The following NUP153 variants were observed in gnomAD, a reference collection of about 807,000 sequenced individuals.
NUP153 encodes nuclear pore complex protein Nup153.
NUP153 carries 27 observed loss-of-function variants against 134.6 expected under a neutral mutation model. That is an observed-to-expected ratio of 0.20 (90% CI 0.15 to 0.28). The LOEUF (loss-of-function observed/expected upper bound fraction) is 0.28, where lower values mean the gene tolerates loss of function less well. NUP153 is among the 10% of genes least tolerant of loss of function. The probability of loss-of-function intolerance (pLI) is 1.00; values close to 1 mark genes in which losing one functional copy is unlikely to be tolerated. For synonymous variants in NUP153, 640 were observed against 623.5 expected (o/e 1.03, Z -0.40); for missense variants, 1,821 against 1,731.3 (o/e 1.05, Z -0.92).
At chr6:17,651,266 G>C (rs1370938315) in intron 11 of NUP153, among the ~76,000 whole-genome samples, 7 of 152,082 alleles carry the variant, frequency 4.6e-5, no homozygotes, top group Admixed American at 4.6e-4. Flanking sequence ...CTGTGCCACT[G>C]CACTCCATCC....
chr6:17,632,214 T>C (rs186670809), intron 17 of NUP153, among the ~76,000 whole-genome samples: 58 of 152,000 alleles, frequency 3.8e-4, no homozygotes, highest in Non-Finnish European at 6.8e-4. Flanking sequence ...AGGCAGGGAA[T>C]TGCTTGAACC....
chr6:17,616,285 G>GA lies in NUP153; in HGVS notation c.4344-105_4344-104insT, dbSNP rs1554134979. On this transcript the variant is annotated intron_variant, in intron 21 of 21. Transcript: ENST00000262077. ...CACAAGGGTAAGGGGGGTCGGGTGGGGGGGGAGTAGACTCACATTGGTATA... is the reference window on the plus strand; with the variant it reads ...CACAAGGGTAAGGGGGGTCGGGTGGGAGGGGGAGTAGACTCACATTGGTATA... 6 of 542,546 alleles carry GA rather than the reference G, an allele frequency of 1.1e-5. No homozygotes were observed. The Admixed American group carries it at 1.5e-4, about 14-fold the overall frequency. 33.6% of individuals were successfully genotyped at this position (542,546 alleles called of 1,614,324 possible).
chr6:17,690,107 C>G (rs377011678), intron 1 of NUP153, among the ~76,000 whole-genome samples: 1 of 148,990 alleles, frequency 6.7e-6, no homozygotes, highest in Admixed American at 6.7e-5. Context: ...AATCTCAGCA[C>G]TTTGGGAGGC....
At chr6:17,633,007 T>C (rs1215990713) in intron 16 of NUP153, among the ~76,000 whole-genome samples, 163 bp from the exon 17 acceptor site, 2 of 152,158 alleles carry the variant, frequency 1.3e-5, no homozygotes, top group African/African-American at 4.8e-5. Context: ...CTGTTCATAT[T>C]TACATTGTTT....
intron 5 of NUP153, among the ~76,000 whole-genome samples, chr6:17,673,185 G>T (rs1174808077): frequency 2.0e-5 from 3 of 152,102 alleles, no homozygotes; most frequent in Non-Finnish European, 4.4e-5. Context: ...TGGCTAAGAT[G>T]GTGAGAAACT....
At chr6:17,655,415 T>C (rs192465003) in intron 11 of NUP153, among the ~76,000 whole-genome samples, 155 of 151,782 alleles carry the variant, frequency 1.0e-3, no homozygotes, top group African/African-American at 3.5e-3. Context: ...CAAAGGCCCA[T>C]GAAAATGCCG....
Position 17,615,458 on chromosome 6 carries a change from G to A in NUP153, c.*639C>T, listed in dbSNP as rs1764265364. On this transcript the variant is annotated 3_prime_UTR_variant, in exon 22 of 22. Transcript: ENST00000262077. The surrounding 1 kb of genome is among the most constrained non-coding windows in gnomAD (Gnocchi z 5.7). ...TACACAAGTTTCATAATAAAATAAT[G>A]AAAAAGGCAAGACAGGTGATAGGAG... The A allele has an allele frequency of 6.6e-6, 1 of 152,476 alleles. No homozygotes were observed. The highest frequency in any genetic ancestry group is 2.1e-4 in the South Asian group (1 of 4,818). 9.4% of individuals were successfully genotyped at this position (152,476 alleles called of 1,614,324 possible). A position where few individuals can be genotyped will look rare whatever the true frequency, so the allele number is the denominator to read the frequency against.
chr6:17,637,441 A>C lies in NUP153; in HGVS notation c.2176T>G (p.Trp726Gly). 6.2e-7 allele frequency: 1 copy of C among 1,614,250 alleles called. No homozygotes were observed. The highest frequency in any genetic ancestry group is 8.5e-7 in the Non-Finnish European group (1 of 1,180,048). Residue 726 changes from tryptophan (W) to glycine (G), a missense_variant, in exon 16 of 22, where the codon TGG (tryptophan) becomes GGG (glycine). Physicochemically the swap from Trp to Gly is radical, Grantham distance 184 (BLOSUM62 -2). Transcript: ENST00000262077. ...TGCACTAAACAGGTATCACAATCCC[A>C]AGTGCCTATCACTGGTTTAAATTTG... ...GDKFKPVIGTWDCDTCLVQNK... is the reference protein window; with the variant it reads ...GDKFKPVIGTGDCDTCLVQNK...
intron 14 of NUP153, among the ~76,000 whole-genome samples, chr6:17,641,216 G>A (rs917616383): frequency 2.0e-5 from 3 of 152,066 alleles, no homozygotes; most frequent in African/African-American, 7.2e-5. Context: ...ATGGGGAGAG[G>A]AGGGATGGAA....
chr6:17,693,867 C>T (rs1769448666), intron 1 of NUP153, among the ~76,000 whole-genome samples: 1 of 152,184 alleles, frequency 6.6e-6, no homozygotes. Flanking sequence ...GCCTGTAATC[C>T]CAGCACTCCC....
chr6:17,637,433 A>G lies in NUP153; in HGVS notation c.2184T>C (p.Cys728=), dbSNP rs1213337457. 1 of 1,614,254 alleles carries G rather than the reference A, an allele frequency of 6.2e-7. No individual in the cohort carries two copies. Residue 728 remains cysteine, a synonymous_variant, in exon 16 of 22, where the codon TGT becomes TGC. Coordinates refer to ENST00000262077, the MANE Select transcript of NUP153 (RefSeq NM_005124.4). ...GTTTATTTTGCACTAAACAGGTATC[A>G]CAATCCCAAGTGCCTATCACTGGTT... ...KFKPVIGTWD[C]DTCLVQNKPE... is the part of the protein sequence containing the mutation.
rs201853569 is a variant in NUP153, at chr6:17,616,567, C to T, written c.4303G>A (p.Gly1435Ser). Residue 1435 changes from glycine to serine, a missense_variant, in exon 21 of 22, where the codon GGC (glycine) becomes AGC (serine). Gly to Ser is a moderately conservative substitution (Grantham distance 56, BLOSUM62 0). Coordinates refer to ENST00000262077, the MANE Select transcript of NUP153 (RefSeq NM_005124.4). ...GCTGGAGACTGGTTAAATGGAAAGC[C>T]CCCCGAGCCTGAAGGCTGGGCTGAG... ...AASAQPSGSG[G>S]FPFNQSPAAF... The T allele has an allele frequency of 5.0e-6, 8 of 1,613,848 alleles. No homozygotes were observed. The highest frequency in any genetic ancestry group is 6.8e-6 in the Non-Finnish European group (8 of 1,179,940).
In NUP153 at chr6:17,637,426, A is replaced by G. The variant is rs1363742875; in HGVS notation, c.2191T>C (p.Cys731Arg). ...PVIGTWDCDT[C>R]LVQNKPEAIK... ...GCTTCAGGTTTATTTTGCACTAAAC[A>G]GGTATCACAATCCCAAGTGCCTATC... The change falls in exon 16 of 22, where the codon TGT becomes CGT. Residue 731 changes from cysteine (C) to arginine (R), a missense_variant. Cys to Arg is a radical substitution (Grantham distance 180, BLOSUM62 -3). Coordinates refer to ENST00000262077, the MANE Select transcript of NUP153 (RefSeq NM_005124.4). 6.2e-7 allele frequency: 1 copy of G among 1,614,138 alleles called. No individual in the cohort carries two copies. The highest frequency in any genetic ancestry group is 1.3e-5 in the African/African-American group (1 of 74,942).
intron 18 of NUP153, among the ~76,000 whole-genome samples, chr6:17,626,770 T>G (rs547994895): frequency 1.1e-4 from 16 of 152,332 alleles, no homozygotes; most frequent in African/African-American, 3.4e-4. Flanking sequence ...TTCCCAAAAT[T>G]TCTTGTGTGG....
Position 17,706,301 on chromosome 6 carries a change from G to T in NUP153, c.87C>A (p.Tyr29Ter). The T allele has an allele frequency of 6.2e-7, 1 of 1,613,604 alleles. No homozygotes were observed. Among genetic ancestry groups the T allele is most frequent in the Non-Finnish European group, 8.5e-7 (1 of 1,179,658 alleles). ...CCTGATGCTGTTGTCGCCCCTGCTG[G>T]TAAGGCTTAATTGGCCCCTGGTGGC... ...RRCHQGPIKP[Y>*]QQGRQQHQGI... Residue 29 changes from tyrosine to a stop codon, truncating the protein, a stop_gained, in exon 1 of 22, where the codon TAC becomes TAA. Coordinates refer to ENST00000262077, the MANE Select transcript of NUP153 (RefSeq NM_005124.4). LOFTEE classifies it high-confidence loss of function. This position sits in a 1 kb window ranked among gnomAD's most constrained non-coding sequence, Gnocchi z 5.9.
chr6:17,677,327 C>T (rs1768277497), intron 2 of NUP153, among the ~76,000 whole-genome samples: 1 of 151,670 alleles, frequency 6.6e-6, no homozygotes, highest in South Asian at 2.1e-4. Flanking sequence ...ATGACAGAAC[C>T]AAGAGTCTCT....
At chr6:17,704,575 A>C (rs1770350011) in intron 1 of NUP153, among the ~76,000 whole-genome samples, 1 of 152,172 alleles carries the variant, frequency 6.6e-6, no homozygotes, top group Non-Finnish European at 1.5e-5. Context: ...TTTGAAAACT[A>C]AGCACTTTAT....
At chr6:17,668,947 A>G in intron 8 of NUP153, 28 bp downstream of exon 8, 1 of 1,491,372 alleles carries the variant, frequency 6.7e-7, no homozygotes, top group Non-Finnish European at 9.2e-7. Context: ...TAGACAGTTT[A>G]AATAACTAAA....
At chr6:17,639,203 G>T (rs965209933) in intron 15 of NUP153, among the ~76,000 whole-genome samples, 1 of 151,638 alleles carries the variant, frequency 6.6e-6, no homozygotes, top group Non-Finnish European at 1.5e-5. Flanking sequence ...TCAGCCTCCC[G>T]AGTAGCTGGA....
Sources: gnomAD v4.1 joint callset for allele counts (sites outside exome capture counted in the v4.1 genomes callset) on GRCh38, gnomAD v4.1.1 for gene constraint, Gnocchi (gnomAD v3.1) non-coding constraint, MANE v1.5 for transcripts, NCBI Gene and HGNC (gene_info 2026-07-23, HGNC 2026-07-21) for gene names.